Variants in DNAH12 observed in about 807,000 individuals in gnomAD.
The protein encoded by DNAH12 is dynein axonemal heavy chain 12.
DNAH12 carries 285 observed loss-of-function variants against 371.5 expected under a neutral mutation model. The observed-to-expected ratio is 0.77, with a 90% CI of 0.70 to 0.85. DNAH12 has a LOEUF of 0.85. Among genes scored for constraint, DNAH12 ranks in the 40% least tolerant of loss-of-function variants. The pLI, the probability that DNAH12 is intolerant of heterozygous loss-of-function variation, is 0.00. For synonymous variants in DNAH12, 1,200 were observed against 1,213.0 expected (o/e 0.99, Z 0.22); for missense variants, 3,611 against 3,689.4 (o/e 0.98, Z 0.55).
chr3:57,525,154 C>CAAAAAAA (rs5849213), intron 2 of DNAH12, among the ~76,000 whole-genome samples: 2 of 109,490 alleles, frequency 1.8e-5, no homozygotes, highest in Admixed American at 1.0e-4. Flanking sequence ...AGAGGAGAAA[C>CAAAAAAA]AAAAAAAAAA....
At chr3:57,409,907 T>C (rs781987820) in intron 39 of DNAH12, among the ~76,000 whole-genome samples, 3 of 152,154 alleles carry the variant, frequency 2.0e-5, no homozygotes, top group Admixed American at 2.0e-4. Flanking sequence ...ATCCATGAGA[T>C]TGCTGTCAAA....
intron 25 of DNAH12, among the ~76,000 whole-genome samples, chr3:57,449,558 C>T (rs2065677262): frequency 6.6e-6 from 1 of 152,228 alleles, no homozygotes; most frequent in Non-Finnish European, 1.5e-5. Flanking sequence ...TGCTGGGGGA[C>T]CCAGTACACC....
At chr3:57,448,603 A>AC in intron 25 of DNAH12, among the ~76,000 whole-genome samples, 1 of 152,374 alleles carries the variant, frequency 6.6e-6, no homozygotes, top group Non-Finnish European at 1.5e-5. Flanking sequence ...AGCGTGGAAT[A>AC]GAACCCGACC....
chr3:57,337,391 G>A (rs2062251353), intron 60 of DNAH12, among the ~76,000 whole-genome samples: 1 of 152,142 alleles, frequency 6.6e-6, no homozygotes, highest in Non-Finnish European at 1.5e-5. Context: ...TGGGCACGGT[G>A]GCTCACGCCT....
At position 57,405,588 on chromosome 3, in the gene DNAH12, C is replaced by T. The variant is rs572687441; in HGVS notation, c.6576+65G>A. Reference sequence around the variant, plus strand: ...TAAGAAATGATTTTTAAAAATATAACTTAATTGTAACAATTCATATATGGT... The same window carrying T: ...TAAGAAATGATTTTTAAAAATATAATTTAATTGTAACAATTCATATATGGT... On this transcript the variant is annotated intron_variant, in intron 41 of 73. Coordinates refer to ENST00000495027, the MANE Select transcript of DNAH12 (RefSeq NM_001366028.2). The T allele has an allele frequency of 3.4e-5, 49 of 1,430,652 alleles. No homozygotes were observed. The East Asian group carries it at 7.8e-4, about 23-fold the overall frequency. The allele number at this position is 1,430,652 out of a possible 1,614,324, so 88.6% of individuals were successfully genotyped here.
the DNAH12 span, among the ~76,000 whole-genome samples, chr3:57,555,181 T>C: frequency 1.8e-3 from 279 of 152,214 alleles, 5 homozygotes; most frequent in East Asian, 5.8e-4. Context: ...GAAGCCGAAG[T>C]TGCAGTAAGC....
At chr3:57,444,940 T>C in intron 28 of DNAH12, 124 bp from the exon 29 acceptor site, 3 of 1,276,446 alleles carry the variant, frequency 2.4e-6, no homozygotes, top group East Asian at 2.6e-5. Flanking sequence ...AAGTTTATTT[T>C]ACATTGCTCT....
In DNAH12 at chr3:57,302,030, C is replaced by A. The variant is rs548326636; in HGVS notation, c.11190-91G>T. ...AGAACAGCAGGAATTTCATTCCCAG[C>A]TTTATGGGATTGCTTCCCAAAATGT... On this transcript the variant is annotated intron_variant, in intron 69 of 73. Coordinates refer to ENST00000495027, the MANE Select transcript of DNAH12 (RefSeq NM_001366028.2). The A allele has an allele frequency of 1.4e-3, 1,989 of 1,378,262 alleles. 37 individuals carry two copies. The South Asian group carries it at 0.021, about 14-fold the overall frequency. The allele number at this position is 1,378,262 out of a possible 1,614,324, so 85.4% of individuals were successfully genotyped here.
At chr3:57,339,080 C>T (rs1052985900) in intron 60 of DNAH12, among the ~76,000 whole-genome samples, 6 of 152,134 alleles carry the variant, frequency 3.9e-5, no homozygotes, top group Admixed American at 2.6e-4. Context: ...ACCTTACCCC[C>T]AACCCCGTGC....
upstream of DNAH12, chr3:57,548,837 A>G (rs1355179184): frequency 6.6e-6 from 1 of 152,272 alleles, no homozygotes; most frequent in Admixed American, 6.5e-5. Flanking sequence ...TTTACAAAGC[A>G]GTGCTCATTT....
At chr3:57,350,147 G>T (rs2062636610) in intron 60 of DNAH12, among the ~76,000 whole-genome samples, 1 of 151,992 alleles carries the variant, frequency 6.6e-6, no homozygotes, top group Non-Finnish European at 1.5e-5. Flanking sequence ...AAGTGTGGGG[G>T]GTGGAGAGGG....
chr3:57,393,148 A>C (rs1306780899), intron 44 of DNAH12, among the ~76,000 whole-genome samples: 1 of 152,192 alleles, frequency 6.6e-6, no homozygotes, highest in African/African-American at 2.4e-5. Flanking sequence ...CCATGTAGGA[A>C]GAACTCTTAT....
At position 57,405,786 on chromosome 3, in the gene DNAH12, C is replaced by T. The variant is rs1282770179; in HGVS notation, c.6443G>A (p.Arg2148Gln). 1.3e-6 allele frequency: 2 copies of T among 1,551,526 alleles called. No homozygotes were observed. The highest frequency in any genetic ancestry group is 1.4e-5 in the African/African-American group (1 of 73,030). Residue 2148 changes from arginine to glutamine, a missense_variant, in exon 41 of 74, where the codon CGA becomes CAA. This residue lies in a region of DNAH12 where 2,266 missense variants were observed against 2,236.9 expected (regional missense o/e 1.01). Coordinates refer to ENST00000495027, the MANE Select transcript of DNAH12 (RefSeq NM_001366028.2). ...ATTAATGAGGCGATCATAAAACACT[C>T]GGAGAACCTCATGCACAAACAGACG... ...MIRLFVHEVL[R>Q]VFYDRLINDD...
At chr3:57,338,928 G>T (rs982816280) in intron 60 of DNAH12, among the ~76,000 whole-genome samples, 1 of 152,200 alleles carries the variant, frequency 6.6e-6, no homozygotes, top group African/African-American at 2.4e-5. Flanking sequence ...CGGTTTTGTC[G>T]AAAAGAAAAG....
chr3:57,492,941 C>A (rs2067181279), intron 11 of DNAH12, among the ~76,000 whole-genome samples: 1 of 151,864 alleles, frequency 6.6e-6, no homozygotes, highest in Non-Finnish European at 1.5e-5. Flanking sequence ...GGAGGTGGAG[C>A]TTGCAGTGAG....
intron 55 of DNAH12, among the ~76,000 whole-genome samples, chr3:57,370,667 G>T (rs952346544): frequency 1.4e-4 from 21 of 152,156 alleles, no homozygotes; most frequent in Non-Finnish European, 2.6e-4. Flanking sequence ...TATTTTAAAT[G>T]CACAGGTTAA....
In DNAH12 at chr3:57,322,950, A is replaced by G. The variant is rs1575448887; in HGVS notation, c.10383+57T>C. The G allele has an allele frequency of 5.3e-6, 8 of 1,518,868 alleles. No individual in the cohort carries two copies. The East Asian group carries it at 1.5e-4, about 28-fold the overall frequency. The allele number at this position is 1,518,868 out of a possible 1,614,324, so 94.1% of individuals were successfully genotyped here. On this transcript the variant is annotated intron_variant, in intron 64 of 73. Coordinates refer to ENST00000495027, the MANE Select transcript of DNAH12 (RefSeq NM_001366028.2). Reference sequence around the variant, plus strand: ...GTCTCAAAACAAACAAACAAAACAAATAAGATATACAGATAGCTAAGTAAA... The same window carrying G: ...GTCTCAAAACAAACAAACAAAACAAGTAAGATATACAGATAGCTAAGTAAA...
In DNAH12 at chr3:57,526,544, T is replaced by A. The variant is rs926697748; in HGVS notation, c.171-2660A>T. ...TTCCAGATCTTTTTTTTTTTTTTTT[T>A]TTTGAGACAGAGTCTGGCTCTGTTG... On this transcript the variant is annotated intron_variant, in intron 2 of 73. Coordinates refer to ENST00000495027, the MANE Select transcript of DNAH12 (RefSeq NM_001366028.2). Among the ~76,000 whole-genome samples, 3 of 150,430 alleles carry A rather than the reference T, an allele frequency of 2.0e-5. No individual in the cohort carries two copies. The East Asian group carries it at 5.8e-4, about 29-fold the overall frequency.
chr3:57,447,187 A>G (rs2153371031), intron 25 of DNAH12, among the ~76,000 whole-genome samples: 1 of 152,306 alleles, frequency 6.6e-6, no homozygotes, highest in Middle Eastern at 3.4e-3. Flanking sequence ...CATTTTCTAC[A>G]TTCCCATAAA....
Sources: allele counts gnomAD v4.1 joint callset (sites outside exome capture counted in the v4.1 genomes callset), GRCh38; gene constraint gnomAD v4.1.1; regional missense constraint gnomAD v4.1.1; transcripts MANE v1.5; gene names NCBI Gene and HGNC (gene_info 2026-07-23, HGNC 2026-07-21).